Variants in TEX14 observed in about 807,000 individuals in gnomAD.
The protein encoded by TEX14 is inactive serine/threonine-protein kinase TEX14.
In TEX14, 168 loss-of-function variants were observed where a neutral mutation model predicts 178.6. That is an observed-to-expected ratio of 0.94 (90% CI 0.83 to 1.07). The LOEUF (loss-of-function observed/expected upper bound fraction) is 1.07. TEX14 is among the 50% of genes least tolerant of loss of function. The probability of loss-of-function intolerance (pLI) is 0.00; values close to 1 mark genes in which losing one functional copy is unlikely to be tolerated. For synonymous variants in TEX14, 626 were observed against 634.1 expected, an observed-to-expected ratio of 0.99 and a Z score of 0.19; for missense variants, 1,730 against 1,753.6, an observed-to-expected ratio of 0.99 and a Z score of 0.24.
At position 58,567,427 on chromosome 17, in the gene TEX14, C is replaced by T. The variant is rs114120756; in HGVS notation, c.3887-1603G>A. On this transcript the variant is annotated intron_variant, in intron 26 of 31. Transcript: ENST00000349033. ...TGGGTGTCAAGGGTCCCCATAAGATCATTTAATATAATTTGAAATTTAAAA... is the reference window on the plus strand; with the variant it reads ...TGGGTGTCAAGGGTCCCCATAAGATTATTTAATATAATTTGAAATTTAAAA... Among the ~76,000 whole-genome samples the T allele has an allele frequency of 1.7e-3, 264 of 152,226 alleles. 2 individuals carry two copies. The highest frequency in any genetic ancestry group is 6.1e-3 in the African/African-American group (254 of 41,534).
At chr17:58,563,952 G>A (rs2144337353) in intron 28 of TEX14, among the ~76,000 whole-genome samples, 1 of 151,246 alleles carries the variant, frequency 6.6e-6, no homozygotes, top group Admixed American at 6.6e-5. Flanking sequence ...ACTACAGTGA[G>A]GCACCACCTC....
chr17:58,565,255 G>C (rs1192754112), intron 27 of TEX14, among the ~76,000 whole-genome samples: 1 of 152,134 alleles, frequency 6.6e-6, no homozygotes, highest in Non-Finnish European at 1.5e-5. Context: ...AAGAAAGAAA[G>C]GGCACATAAA....
At chr17:58,627,420 T>C (rs1211016248) in intron 3 of TEX14, among the ~76,000 whole-genome samples, 1 of 152,178 alleles carries the variant, frequency 6.6e-6, no homozygotes, top group African/African-American at 2.4e-5. Flanking sequence ...AAAGTGATGA[T>C]GGTCATGACT....
At chr17:58,576,849 A>C (rs8068135) in intron 21 of TEX14, among the ~76,000 whole-genome samples, 34,536 of 152,144 alleles carry the variant, frequency 0.23, 4,278 homozygotes, top group South Asian at 0.33. Context: ...TGCATGTATC[A>C]ATAGTTTATT....
chr17:58,680,763 C>A (rs1385410151), intron 1 of TEX14, among the ~76,000 whole-genome samples: 2 of 152,034 alleles, frequency 1.3e-5, no homozygotes, highest in Non-Finnish European at 2.9e-5. Flanking sequence ...ACCAAAAAAA[C>A]AAATTAGAAT....
chr17:58,613,681 C>T (rs2045802946), intron 8 of TEX14, 137 bp from the exon 9 acceptor site: 2 of 961,562 alleles, frequency 2.1e-6, no homozygotes, highest in African/African-American at 1.7e-5. Context: ...TTTTTTTTGA[C>T]ACAGAGTCTC....
intron 3 of TEX14, among the ~76,000 whole-genome samples, chr17:58,629,229 G>T (rs1200644903): frequency 6.6e-6 from 1 of 152,126 alleles, no homozygotes; most frequent in Non-Finnish European, 1.5e-5. Context: ...GGGAGGCCAA[G>T]GTGGATGGAG....
At chr17:58,637,464 C>T (rs1484534450) in intron 2 of TEX14, among the ~76,000 whole-genome samples, 2 of 152,048 alleles carry the variant, frequency 1.3e-5, no homozygotes, top group East Asian at 1.9e-4. Context: ...CCCCAACCTC[C>T]GGGGAGGGGA....
intron 2 of TEX14, among the ~76,000 whole-genome samples, chr17:58,641,484 T>TTA (rs1173062783): frequency 5.0e-4 from 58 of 115,610 alleles, no homozygotes; most frequent in African/African-American, 1.9e-3. Flanking sequence ...TTCTTTCTCT[T>TTA]TTATTTATTA....
chr17:58,584,636 C>G, intron 18 of TEX14, 36 bp from the exon 19 acceptor site: 3 of 1,463,014 alleles, frequency 2.1e-6, no homozygotes, highest in Non-Finnish European at 2.9e-6. Context: ...CAAAGTCATT[C>G]AGTGATATTC....
At chr17:58,672,559 G>A (rs1266812483) in intron 1 of TEX14, among the ~76,000 whole-genome samples, 2 of 152,220 alleles carry the variant, frequency 1.3e-5, no homozygotes, top group South Asian at 2.1e-4. Flanking sequence ...TCAGCCTCCC[G>A]AGTAGCTGGG....
Position 58,561,575 on chromosome 17 carries a change from G to A in TEX14, c.4102C>T (p.Leu1368=). ...STLDEDLERW[L]QPPEESVELQ... Reference sequence around the variant, plus strand: ...TCCACGCTCTCCTCAGGTGGCTGCAGCCATCTTTCCAGGTCCTCATCCAGA... The same window carrying A: ...TCCACGCTCTCCTCAGGTGGCTGCAACCATCTTTCCAGGTCCTCATCCAGA... The change falls in exon 29 of 32, where the codon CTG becomes TTG. Residue 1368 remains leucine (L), a synonymous_variant. Transcript: ENST00000349033. 1 of 1,614,038 alleles carries A rather than the reference G, an allele frequency of 6.2e-7. No individual in the cohort carries two copies. Among genetic ancestry groups the A allele is most frequent in the Non-Finnish European group, 8.5e-7 (1 of 1,179,882 alleles).
intron 2 of TEX14, among the ~76,000 whole-genome samples, chr17:58,648,798 T>C (rs1243529264): frequency 6.9e-6 from 1 of 143,926 alleles, no homozygotes; most frequent in Non-Finnish European, 1.5e-5. Flanking sequence ...TTTTTTTTTT[T>C]TTTTTTTTTG....
At position 58,634,903 on chromosome 17, in the gene TEX14, A is replaced by T. The variant is rs565223548; in HGVS notation, c.137-4349T>A. Among the ~76,000 whole-genome samples, 3 of 152,234 alleles carry T rather than the reference A, an allele frequency of 2.0e-5. No homozygotes were observed. In the East Asian group the frequency reaches 5.8e-4, roughly 29 times the overall value. ...TCCCAGCACTTTGGGAGGCCGAGGC[A>T]GGCGGATTACCTGAGGTCAGGAGTT... On this transcript the variant is annotated intron_variant, in intron 2 of 31. Transcript: ENST00000349033.
chr17:58,690,814 G>A (rs1037929375), intron 1 of TEX14, among the ~76,000 whole-genome samples: 16 of 152,074 alleles, frequency 1.1e-4, no homozygotes, highest in African/African-American at 3.9e-4. Context: ...TTAATAGCTC[G>A]GGGTAGTAAA....
At chr17:58,622,262 A>G (rs1378403268) in intron 4 of TEX14, among the ~76,000 whole-genome samples, 1 of 152,198 alleles carries the variant, frequency 6.6e-6, no homozygotes, top group Non-Finnish European at 1.5e-5. Flanking sequence ...CCTGGCCAAC[A>G]TGGAGAAACC....
At chr17:58,613,093 T>C (rs954659120) in intron 9 of TEX14, among the ~76,000 whole-genome samples, 1 of 151,826 alleles carries the variant, frequency 6.6e-6, no homozygotes, top group African/African-American at 2.4e-5. Context: ...TTCCAGCTAC[T>C]CGGGAGGCTG....
At chr17:58,616,553 C>A (rs916754933) in intron 6 of TEX14, among the ~76,000 whole-genome samples, 1 of 151,738 alleles carries the variant, frequency 6.6e-6, no homozygotes, top group Non-Finnish European at 1.5e-5. Flanking sequence ...ACTCCACCCT[C>A]CCAAGTAGCT....
intron 21 of TEX14, among the ~76,000 whole-genome samples, chr17:58,576,075 G>A (rs1201539927): frequency 6.6e-6 from 1 of 152,182 alleles, no homozygotes; most frequent in Non-Finnish European, 1.5e-5. Context: ...TAAGGAAACT[G>A]AGGCCCAGAG....
Sources: gnomAD v4.1 joint callset for allele counts (sites outside exome capture counted in the v4.1 genomes callset) on GRCh38, gnomAD v4.1.1 for gene constraint, MANE v1.5 for transcripts, NCBI Gene and HGNC (gene_info 2026-07-23, HGNC 2026-07-21) for gene names.